WDFY3: variants seen among roughly 807,000 people sequenced by gnomAD.
WDFY3 encodes WD repeat and FYVE domain containing 3, also known as WD repeat and FYVE domain-containing protein 3.
Under a neutral mutation model 409.6 loss-of-function variants are expected in WDFY3, and 66 were observed. The ratio of observed to expected loss-of-function variants is 0.16; its 90% CI spans 0.13 to 0.20. WDFY3 has a LOEUF of 0.20. WDFY3 is among the 10% of genes least tolerant of loss of function. The pLI is 1.00. For synonymous variants in WDFY3, 1,521 were observed against 1,537.1 expected (o/e 0.99, Z 0.25); for missense variants, 3,031 against 4,298.1 (o/e 0.71, Z 8.24).
intron 22 of WDFY3, among the ~76,000 whole-genome samples, chr4:84,789,324 AAAC>A (rs1234704536): frequency 1.3e-5 from 2 of 152,182 alleles, no homozygotes; most frequent in Non-Finnish European, 2.9e-5. Flanking sequence ...AAAGAAAAAA[AAAC>A]AATTCTAGCT....
Position 84,721,835 on chromosome 4 carries a change from AAACAACAAC to A in WDFY3, c.7442-272_7442-264del, listed in dbSNP as rs376632842. On this transcript the variant is annotated intron_variant, in intron 46 of 67. Transcript: ENST00000295888. ...GGCAACACAGCAAGATTCTGTCTTA[AAACAACAAC>A]AACAACAACAACAACAAAAAACATG... 7.2e-5 allele frequency among the ~76,000 whole-genome samples: 11 copies of A among 151,926 alleles called. No homozygotes were observed. In the South Asian group the frequency reaches 1.5e-3, roughly 20 times the overall value.
intron 15 of WDFY3, among the ~76,000 whole-genome samples, chr4:84,805,822 C>T (rs182437078): frequency 6.6e-6 from 1 of 152,150 alleles, no homozygotes; most frequent in Non-Finnish European, 1.5e-5. Context: ...CTGTAGAGTT[C>T]TGATTATTAT....
chr4:84,836,861 A>G, intron 7 of WDFY3, 68 bp downstream of exon 7: 1 of 1,276,686 alleles, frequency 7.8e-7, no homozygotes, highest in South Asian at 2.9e-5. Flanking sequence ...TATGTAAAAC[A>G]TCTATTTAGG....
intron 19 of WDFY3, among the ~76,000 whole-genome samples, chr4:84,795,319 C>T (rs1021156187): frequency 2.0e-5 from 3 of 152,336 alleles, no homozygotes; most frequent in African/African-American, 7.2e-5. Flanking sequence ...CTTACTGTCA[C>T]TCTCTTGTTA....
chr4:84,749,899 G>A (rs191856805), intron 36 of WDFY3, among the ~76,000 whole-genome samples: 47 of 152,130 alleles, frequency 3.1e-4, no homozygotes, highest in African/African-American at 1.0e-3. Flanking sequence ...GTTAATACAT[G>A]TTATTATATA....
intron 3 of WDFY3, among the ~76,000 whole-genome samples, chr4:84,865,281 T>C (rs1401543205): frequency 6.6e-6 from 1 of 152,196 alleles, no homozygotes; most frequent in Non-Finnish European, 1.5e-5. Flanking sequence ...ATATGGTTAT[T>C]TAATATTTTA....
intron 3 of WDFY3, among the ~76,000 whole-genome samples, chr4:84,885,632 A>C (rs1055420427): frequency 2.0e-5 from 3 of 152,148 alleles, no homozygotes; most frequent in Non-Finnish European, 2.9e-5. Context: ...TGAACAAGGA[A>C]TCTGGAAGGC....
At chr4:84,863,676 G>A (rs900816967) in intron 3 of WDFY3, among the ~76,000 whole-genome samples, 1 of 152,000 alleles carries the variant, frequency 6.6e-6, no homozygotes, top group Non-Finnish European at 1.5e-5. Flanking sequence ...TTGGTTTCAG[G>A]TATTATATTA....
chr4:84,933,837 T>C (rs994802183), intron 1 of WDFY3, among the ~76,000 whole-genome samples: 1 of 152,186 alleles, frequency 6.6e-6, no homozygotes, highest in African/African-American at 2.4e-5. Flanking sequence ...TTCATCTATG[T>C]TGTTGCAAAT....
chr4:84,858,781 G>T (rs1017404099), intron 4 of WDFY3, among the ~76,000 whole-genome samples: 1 of 151,882 alleles, frequency 6.6e-6, no homozygotes, highest in South Asian at 2.1e-4. Context: ...ATTGGGGCAC[G>T]GGGTGAGGGG....
chr4:84,827,054 T>C (rs1277526132), intron 9 of WDFY3, 73 bp from the exon 10 acceptor site: 9 of 1,505,748 alleles, frequency 6.0e-6, no homozygotes, highest in Non-Finnish European at 7.1e-6. Context: ...AAAGTATTTT[T>C]CAATTTTATA....
At chr4:84,951,722 C>T (rs1244861937) in intron 1 of WDFY3, among the ~76,000 whole-genome samples, 1 of 152,162 alleles carries the variant, frequency 6.6e-6, no homozygotes, top group Non-Finnish European at 1.5e-5. Flanking sequence ...AGTTTTCTTC[C>T]ATTAAAATAG....
intron 2 of WDFY3, among the ~76,000 whole-genome samples, chr4:84,913,655 ACTT>A (rs1768075060): frequency 1.3e-5 from 2 of 152,252 alleles, no homozygotes; most frequent in East Asian, 3.9e-4. Context: ...ATTATCCAAG[ACTT>A]CTTTTATGAC....
intron 56 of WDFY3, among the ~76,000 whole-genome samples, chr4:84,700,979 T>A (rs1411022904): frequency 6.6e-6 from 1 of 152,074 alleles, no homozygotes; most frequent in African/African-American, 2.4e-5. Context: ...CCAGGTGTGG[T>A]GGCGCATGTA....
chr4:84,724,123 A>G (rs1473469232), intron 46 of WDFY3, among the ~76,000 whole-genome samples: 1 of 152,254 alleles, frequency 6.6e-6, no homozygotes, highest in Non-Finnish European at 1.5e-5. Flanking sequence ...ATGCTGTGTC[A>G]TGAAAAAATA....
chr4:84,840,733 C>T (rs989704037), intron 6 of WDFY3, among the ~76,000 whole-genome samples: 41 of 151,856 alleles, frequency 2.7e-4, no homozygotes, highest in South Asian at 1.0e-3. Context: ...CAGGCCACCA[C>T]GCTCAGCTAA....
chr4:84,906,782 T>G (rs1240321487), intron 2 of WDFY3, among the ~76,000 whole-genome samples: 2 of 151,794 alleles, frequency 1.3e-5, no homozygotes, highest in Admixed American at 6.6e-5. Flanking sequence ...TTTTTTTTTT[T>G]TTTTTTAGCT....
intron 37 of WDFY3, among the ~76,000 whole-genome samples, chr4:84,742,290 CTG>C (rs1399556651): frequency 1.3e-5 from 2 of 152,178 alleles, no homozygotes; most frequent in South Asian, 2.1e-4. Context: ...AAGGGTAAAA[CTG>C]TGAAACAAAA....
At chr4:84,784,858 G>GTATATA (rs71670882) in intron 24 of WDFY3, among the ~76,000 whole-genome samples, 87 of 88,998 alleles carry the variant, frequency 9.8e-4, no homozygotes, top group African/African-American at 2.6e-3. Flanking sequence ...AAGTGTATAT[G>GTATATA]TATATATATA....
Sources: allele counts gnomAD v4.1 joint callset (sites outside exome capture counted in the v4.1 genomes callset), GRCh38; gene constraint gnomAD v4.1.1; transcripts MANE v1.5; gene names NCBI Gene and HGNC (gene_info 2026-07-23, HGNC 2026-07-21).